AKT3: variants seen among roughly 807,000 people sequenced by gnomAD.
The protein encoded by AKT3 is AKT serine/threonine kinase 3, also known as RAC-gamma serine/threonine-protein kinase.
AKT3 carries 15 observed loss-of-function variants against 65.3 expected under a neutral mutation model. The observed-to-expected ratio is 0.23, with a 90% CI of 0.15 to 0.35. The LOEUF (loss-of-function observed/expected upper bound fraction) is 0.35. AKT3 is among the 10% of genes least tolerant of loss of function. AKT3 has a pLI of 1.00. For missense variants in AKT3, 243 were observed against 576.5 expected (o/e 0.42, Z 5.92); for synonymous variants, 206 against 183.8 (o/e 1.12, Z -0.98).
intron 2 of AKT3, among the ~76,000 whole-genome samples, chr1:243,716,937 C>G (rs1686547665): frequency 6.6e-6 from 1 of 152,142 alleles, no homozygotes; most frequent in South Asian, 2.1e-4. Flanking sequence ...ACAGGTAGCC[C>G]TTTTGCAAGT....
At chr1:243,848,329 A>G (rs758857259) in intron 1 of AKT3, among the ~76,000 whole-genome samples, 5 of 152,228 alleles carry the variant, frequency 3.3e-5, no homozygotes, top group African/African-American at 4.8e-5. Context: ...TATCTTGCAT[A>G]TAATTGTGCA....
chr1:243,550,875 C>T (rs1673013444), intron 11 of AKT3, among the ~76,000 whole-genome samples: 2 of 127,012 alleles, frequency 1.6e-5, no homozygotes, highest in South Asian at 5.6e-4. Context: ...AGGGGAATTG[C>T]TTGAACCCAG....
intron 13 of AKT3, among the ~76,000 whole-genome samples, chr1:243,510,858 C>T (rs1165485410): frequency 6.6e-6 from 1 of 152,250 alleles, no homozygotes; most frequent in Non-Finnish European, 1.5e-5. Context: ...ATGAAAGGGC[C>T]TAGCAAAGGC....
intron 2 of AKT3, among the ~76,000 whole-genome samples, chr1:243,770,783 G>C (rs1021129739): frequency 6.7e-6 from 1 of 150,264 alleles, no homozygotes; most frequent in Admixed American, 6.6e-5. Context: ...CAAATATTCA[G>C]GGACCTAGTT....
chr1:243,508,720 C>T (rs1289486767), intron 13 of AKT3, among the ~76,000 whole-genome samples: 5 of 138,398 alleles, frequency 3.6e-5, no homozygotes, highest in African/African-American at 8.6e-5. Context: ...GACTGGAGGG[C>T]AATGTTGTGA....
chr1:243,625,265 G>A (rs1679077329), intron 6 of AKT3, among the ~76,000 whole-genome samples: 1 of 150,878 alleles, frequency 6.6e-6, no homozygotes, highest in African/African-American at 2.4e-5. Context: ...TCAAGTAGCT[G>A]GGATTACAGA....
At chr1:243,603,301 T>C (rs1358098218) in intron 8 of AKT3, among the ~76,000 whole-genome samples, 1 of 152,158 alleles carries the variant, frequency 6.6e-6, no homozygotes, top group South Asian at 2.1e-4. Context: ...AAAGGAAGAA[T>C]CCCTGGTAGT....
At chr1:243,534,422 T>C (rs1671759603) in intron 12 of AKT3, among the ~76,000 whole-genome samples, 2 of 152,232 alleles carry the variant, frequency 1.3e-5, no homozygotes, top group Admixed American at 1.3e-4. Context: ...ATGACTCTAC[T>C]ATTATAGTTG....
At chr1:243,587,018 A>G (rs1016545255) in intron 8 of AKT3, among the ~76,000 whole-genome samples, 1 of 152,224 alleles carries the variant, frequency 6.6e-6, no homozygotes, top group Non-Finnish European at 1.5e-5. Flanking sequence ...AAAAAAAATT[A>G]AAAGACTAAA....
intron 13 of AKT3, among the ~76,000 whole-genome samples, chr1:243,492,128 A>G (rs114804621): frequency 4.6e-5 from 7 of 151,762 alleles, no homozygotes; most frequent in Non-Finnish European, 1.0e-4. Context: ...TTCTGCTTGA[A>G]TTCTGAAACA....
intron 2 of AKT3, among the ~76,000 whole-genome samples, chr1:243,788,165 T>C (rs1254986522): frequency 6.6e-6 from 1 of 152,186 alleles, no homozygotes. Context: ...AAATGGTACA[T>C]GGATGGTAAG....
intron 3 of AKT3, among the ~76,000 whole-genome samples, chr1:243,671,577 T>C (rs1048439739): frequency 1.3e-5 from 2 of 152,206 alleles, no homozygotes; most frequent in Admixed American, 6.5e-5. Context: ...TAAGACTCAA[T>C]ACATCAACCT....
At chr1:243,526,778 TTAAAAAAAAAAAAAA>T (rs1285654141) in intron 12 of AKT3, among the ~76,000 whole-genome samples, 2 of 55,726 alleles carry the variant, frequency 3.6e-5, no homozygotes, top group African/African-American at 6.1e-5. Flanking sequence ...CAAAAAATGG[TTAAAAAAAAAAAAAA>T]AAAAAAAAAA....
chr1:243,598,454 A>C (rs1180519532), intron 8 of AKT3, among the ~76,000 whole-genome samples: 1 of 152,178 alleles, frequency 6.6e-6, no homozygotes, highest in East Asian at 1.9e-4. Flanking sequence ...AAATGCATTA[A>C]CTCAAACTAC....
chr1:243,744,124 T>C (rs1381432899), intron 2 of AKT3, among the ~76,000 whole-genome samples: 1 of 152,150 alleles, frequency 6.6e-6, no homozygotes, highest in East Asian at 1.9e-4. Flanking sequence ...AGTGGAAATA[T>C]AATACAGCAA....
chr1:243,543,426 T>C (rs888489869), intron 12 of AKT3, among the ~76,000 whole-genome samples: 7 of 148,064 alleles, frequency 4.7e-5, no homozygotes, highest in Non-Finnish European at 1.0e-4. Context: ...ACCTCAACCA[T>C]TGTCTCTTAA....
intron 2 of AKT3, among the ~76,000 whole-genome samples, chr1:243,728,650 C>T (rs1003304778): frequency 1.3e-5 from 2 of 152,102 alleles, no homozygotes; most frequent in South Asian, 2.1e-4. Flanking sequence ...GCTGTCAGTT[C>T]TTCACGATTT....
At chr1:243,731,190 A>T (rs1687542625) in intron 2 of AKT3, among the ~76,000 whole-genome samples, 1 of 152,202 alleles carries the variant, frequency 6.6e-6, no homozygotes, top group Admixed American at 6.5e-5. Context: ...TATCTACCAC[A>T]TGCCAAAATG....
intron 12 of AKT3, among the ~76,000 whole-genome samples, chr1:243,531,180 T>G (rs1012532662): frequency 6.6e-6 from 1 of 152,126 alleles, no homozygotes; most frequent in Non-Finnish European, 1.5e-5. Flanking sequence ...AGCCTTGATC[T>G]CCTGGGCTCA....
Sources: gnomAD v4.1 joint callset for allele counts (sites outside exome capture counted in the v4.1 genomes callset) on GRCh38, gnomAD v4.1.1 for gene constraint, MANE v1.5 for transcripts, NCBI Gene and HGNC (gene_info 2026-07-23, HGNC 2026-07-21) for gene names.